Variants in PARD3 observed in about 807,000 individuals in gnomAD.
PARD3 encodes partitioning defective 3 homolog.
In PARD3, 75 loss-of-function variants were observed where a neutral mutation model predicts 155.4. The ratio of observed to expected loss-of-function variants is 0.48; its 90% CI spans 0.40 to 0.58. The LOEUF (loss-of-function observed/expected upper bound fraction) is 0.58. Among genes scored for constraint, PARD3 ranks in the 20% least tolerant of loss-of-function variants. PARD3 has a pLI of 0.00. For synonymous variants in PARD3, 576 were observed against 610.5 expected, an observed-to-expected ratio of 0.94 and a Z score of 0.83; for missense variants, 1,642 against 1,721.7, an observed-to-expected ratio of 0.95 and a Z score of 0.82.
chr10:34,796,950 A>G (rs1399671529), intron 1 of PARD3, among the ~76,000 whole-genome samples: 1 of 152,226 alleles, frequency 6.6e-6, no homozygotes, highest in Non-Finnish European at 1.5e-5. Flanking sequence ...GTGCCACTGC[A>G]CTCCAGCCTG....
At chr10:34,154,389 C>T (rs912097742) in intron 22 of PARD3, among the ~76,000 whole-genome samples, 3 of 152,186 alleles carry the variant, frequency 2.0e-5, no homozygotes, top group African/African-American at 4.8e-5. Context: ...GCAAATTTAG[C>T]AGTCATGGTG....
At chr10:34,590,995 T>C (rs2088626309) in intron 2 of PARD3, among the ~76,000 whole-genome samples, 1 of 152,096 alleles carries the variant, frequency 6.6e-6, no homozygotes, top group African/African-American at 2.4e-5. Context: ...AATGCCTCCT[T>C]CTGGCACAGA....
rs895512214 is a variant in PARD3, at chr10:34,362,587, C to G, written c.1708-2328G>C. On this transcript the variant is annotated intron_variant, in intron 12 of 24. Transcript: ENST00000374788. ...ACTACTCACTACACCTTTGACCTCC[C>G]CAGGCTCAGGTGATCCTCCCACTGC... Among the ~76,000 whole-genome samples, 3 of 152,124 alleles carry G rather than the reference C, an allele frequency of 2.0e-5. No homozygotes were observed. In the South Asian group the frequency reaches 6.2e-4, roughly 32 times the overall value.
chr10:34,710,109 T>C (rs569364411), intron 1 of PARD3, among the ~76,000 whole-genome samples: 1 of 152,254 alleles, frequency 6.6e-6, no homozygotes, highest in East Asian at 1.9e-4. Flanking sequence ...ATAGCCAAGA[T>C]GCATATATTA....
chr10:34,590,423 G>A (rs540050837), intron 2 of PARD3, among the ~76,000 whole-genome samples: 1 of 152,186 alleles, frequency 6.6e-6, no homozygotes, highest in Non-Finnish European at 1.5e-5. Flanking sequence ...GGAAAGGACA[G>A]AGAAAAGACA....
At chr10:34,557,486 T>C (rs989519806) in intron 2 of PARD3, among the ~76,000 whole-genome samples, 1 of 152,004 alleles carries the variant, frequency 6.6e-6, no homozygotes, top group Non-Finnish European at 1.5e-5. Context: ...GTTTCGTTTT[T>C]TTGTTTTTTT....
chr10:34,383,235 T>C (rs1589381866), intron 8 of PARD3, among the ~76,000 whole-genome samples: 1 of 152,168 alleles, frequency 6.6e-6, no homozygotes, highest in African/African-American at 2.4e-5. Context: ...ATTTCAATAA[T>C]AGAAACCAAA....
rs111256688 is a variant in PARD3, at chr10:34,735,658, G to T, written c.121-39239C>A. Among the ~76,000 whole-genome samples the T allele has an allele frequency of 5.5e-3, 841 of 152,172 alleles. 8 individuals are homozygous for T. Among genetic ancestry groups the T allele is most frequent in the African/African-American group, 0.019 (799 of 41,524 alleles). On this transcript the variant is annotated intron_variant, in intron 1 of 24. Coordinates refer to ENST00000374788, the MANE Select transcript of PARD3 (RefSeq NM_001184785.2). ...AACTTTCCCGTAAGAAAATAAAGTA[G>T]ATATATGCAATGATTTATCTGAAAA...
chr10:34,222,884 C>T (rs956129009), intron 22 of PARD3, among the ~76,000 whole-genome samples: 5 of 152,220 alleles, frequency 3.3e-5, no homozygotes, highest in Admixed American at 6.5e-5. Context: ...ACACTCTCTG[C>T]TCCCATCCTC....
chr10:34,264,553 G>C (rs138750201), intron 22 of PARD3, among the ~76,000 whole-genome samples: 35 of 152,182 alleles, frequency 2.3e-4, no homozygotes, highest in African/African-American at 7.2e-4. Flanking sequence ...TACAACTTTA[G>C]AATCAGGGAA....
intron 20 of PARD3, among the ~76,000 whole-genome samples, chr10:34,300,632 A>T (rs11009721): frequency 0.2 from 5,586 of 28,000 alleles, 288 homozygotes; most frequent in African/African-American, 0.44. Flanking sequence ...GATCTTGTTT[A>T]AAAAAAAAAA....
chr10:34,814,980 A>C lies in PARD3; in HGVS notation c.16T>G (p.Cys6Gly). ...ACGACCACCCGGGTCCGTCCGAAGC[A>C]CACGGTCACTTTCATGCCGCCGCCG... is the stretch of plus-strand genomic sequence containing the variant. MKVTVCFGRTRVVVPC... is the reference protein window; with the variant it reads MKVTVGFGRTRVVVPC... The change falls in exon 1 of 25, where the codon TGC (cysteine) becomes GGC (glycine). Residue 6 changes from cysteine to glycine, a missense_variant. Cys to Gly is a radical substitution (Grantham distance 159). Coordinates refer to ENST00000374788, the MANE Select transcript of PARD3 (RefSeq NM_001184785.2). The C allele has an allele frequency of 6.5e-7, 1 of 1,533,014 alleles. No individual in the cohort carries two copies. The highest frequency in any genetic ancestry group is 8.8e-7 in the Non-Finnish European group (1 of 1,140,768). The allele number at this position is 1,533,014 out of a possible 1,614,324, so 95.0% of individuals were successfully genotyped here.
chr10:34,226,643 C>G (rs1466136509), intron 22 of PARD3, among the ~76,000 whole-genome samples: 1 of 152,170 alleles, frequency 6.6e-6, no homozygotes, highest in Admixed American at 6.5e-5. Context: ...AATGATTCAG[C>G]CACTTTGAAA....
intron 22 of PARD3, among the ~76,000 whole-genome samples, chr10:34,134,094 C>T (rs980453656): frequency 4.6e-5 from 7 of 152,184 alleles, no homozygotes; most frequent in African/African-American, 1.7e-4. Flanking sequence ...TTGAGACAGG[C>T]AGGTTGTTAT....
intron 22 of PARD3, among the ~76,000 whole-genome samples, chr10:34,233,743 T>C (rs774778196): frequency 2.6e-5 from 4 of 152,112 alleles, no homozygotes; most frequent in Non-Finnish European, 5.9e-5. Flanking sequence ...CGTCTATTTA[T>C]TTCTATCCCA....
intron 4 of PARD3, among the ~76,000 whole-genome samples, chr10:34,459,151 C>T (rs141822209): frequency 2.6e-5 from 4 of 152,206 alleles, no homozygotes; most frequent in East Asian, 1.9e-4. Flanking sequence ...GCAAGAAATA[C>T]GCAACAACAT....
intron 5 of PARD3, among the ~76,000 whole-genome samples, chr10:34,424,110 T>C (rs2075461064): frequency 6.6e-6 from 1 of 152,174 alleles, no homozygotes; most frequent in African/African-American, 2.4e-5. Context: ...TCTTACCTAA[T>C]ATAATATAAT....
intron 1 of PARD3, among the ~76,000 whole-genome samples, chr10:34,707,148 A>C (rs2094376326): frequency 6.6e-6 from 1 of 151,514 alleles, no homozygotes; most frequent in East Asian, 1.9e-4. Flanking sequence ...TGGGAAGCTG[A>C]GGTGGGATGA....
chr10:34,203,552 A>AC (rs140491080), intron 22 of PARD3, among the ~76,000 whole-genome samples: 54 of 152,330 alleles, frequency 3.5e-4, no homozygotes, highest in African/African-American at 1.3e-3. Flanking sequence ...GTATACTTTA[A>AC]ATCATCTCTA....
Sources: gnomAD v4.1 joint callset for allele counts (sites outside exome capture counted in the v4.1 genomes callset) on GRCh38, gnomAD v4.1.1 for gene constraint, MANE v1.5 for transcripts, NCBI Gene and HGNC (gene_info 2026-07-23, HGNC 2026-07-21) for gene names.